The following ABRACL variants were observed in gnomAD, a reference collection of about 807,000 sequenced individuals.
ABRACL encodes costars family protein ABRACL.
A neutral mutation model predicts 7.0 loss-of-function variants in ABRACL; 4 were observed. That is an observed-to-expected ratio of 0.57 (90% CI 0.28 to 1.30). The LOEUF is 1.30. ABRACL is among the 50% of genes most tolerant of loss of function. The pLI is 0.10. For missense variants in ABRACL, 104 were observed against 97.3 expected (o/e 1.07, Z -0.29); for synonymous variants, 30 against 36.0 (o/e 0.83, Z 0.60).
chr6:139,033,758 T>C (rs1163515221), intron 1 of ABRACL, among the ~76,000 whole-genome samples: 2 of 152,190 alleles, frequency 1.3e-5, no homozygotes, highest in African/African-American at 2.4e-5. Flanking sequence ...GGCCCTCATC[T>C]GCCTTTAGAA....
rs1164159750 is a variant in ABRACL at position 139,042,725 on chromosome 6, A to T, written c.68A>T (p.Asp23Val). The stretch of plus-strand genomic sequence containing the variant: ...ATGTATTTTCTCAAACTAGATGCTG[A>T]TGGAAAGTTAAGCGTGAAATTTGGG... Reference protein sequence around the residue: ...EIHRLGSKNADGKLSVKFGVL... With the variant: ...EIHRLGSKNAVGKLSVKFGVL... Residue 23 changes from aspartate (D) to valine (V), a missense_variant, in exon 3 of 3, where the codon GAT becomes GTT. By Grantham distance (152) the Asp-to-Val change is radical. Transcript: ENST00000367660. The T allele has an allele frequency of 6.2e-7, 1 of 1,610,554 alleles. No homozygotes were observed. The highest frequency in any genetic ancestry group is 2.2e-5 in the East Asian group (1 of 44,764).
At chr6:139,035,778 C>T (rs917680436) in intron 2 of ABRACL, among the ~76,000 whole-genome samples, 34 of 150,424 alleles carry the variant, frequency 2.3e-4, no homozygotes, top group African/African-American at 7.8e-4. Context: ...CCACCACACC[C>T]GGCCTAGTTT....
At chr6:139,034,402 G>C in intron 2 of ABRACL, 181 bp downstream of exon 2, 2 of 1,543,184 alleles carry the variant, frequency 1.3e-6, no homozygotes, top group Non-Finnish European at 1.8e-6. Flanking sequence ...GAGACACGGG[G>C]CTTTTGGGGT....
chr6:139,029,110 G>C (rs79269256), intron 1 of ABRACL, among the ~76,000 whole-genome samples: 1 of 152,150 alleles, frequency 6.6e-6, no homozygotes, highest in Non-Finnish European at 1.5e-5. Context: ...CTCGGCTCAC[G>C]TGACGTTTCG....
At chr6:139,039,453 T>A (rs191648365) in intron 2 of ABRACL, among the ~76,000 whole-genome samples, 1 of 152,274 alleles carries the variant, frequency 6.6e-6, no homozygotes, top group East Asian at 1.9e-4. Context: ...ATACTATAAA[T>A]GATGGTGAGT....
chr6:139,033,913 C>T (rs1786117587), intron 1 of ABRACL, among the ~76,000 whole-genome samples: 1 of 151,920 alleles, frequency 6.6e-6, no homozygotes, highest in African/African-American at 2.4e-5. Context: ...AGGAGAATGG[C>T]TGTATTCTCC....
Position 139,034,193 on chromosome 6 carries a change from G to A in ABRACL, c.33G>A (p.Val11=). The A allele has an allele frequency of 6.2e-7, 1 of 1,614,212 alleles. No homozygotes were observed. The highest frequency in any genetic ancestry group is 8.5e-7 in the Non-Finnish European group (1 of 1,180,036). MNVDHEVNLL[V]EEIHRLGSKN... ...TGGATCACGAGGTTAACCTCTTAGT[G>A]GAGGAAATTCATCGTTTGGGTTCAA... The change falls in exon 2 of 3, where the codon GTG becomes GTA. Residue 11 remains valine, a synonymous_variant. Transcript: ENST00000367660.
Position 139,042,917 on chromosome 6 carries a change from T to C in ABRACL, c.*14T>C. On this transcript the variant is annotated 3_prime_UTR_variant, in exon 3 of 3. Transcript: ENST00000367660. ...CTGCAAGATTAATGTGGTTTACATA[T>C]CTTTATGTACTGCCATTTTTTGTTT... 3.8e-6 allele frequency: 6 copies of C among 1,579,248 alleles called. No homozygotes were observed. The highest frequency in any genetic ancestry group is 1.2e-5 in the South Asian group (1 of 85,502).
intron 2 of ABRACL, among the ~76,000 whole-genome samples, chr6:139,040,200 G>A (rs540316177): frequency 4.6e-5 from 7 of 152,316 alleles, no homozygotes; most frequent in East Asian, 1.9e-4. Flanking sequence ...TGTGGAGGAT[G>A]TATTGAGGGG....
chr6:139,035,528 G>A (rs1357555078), intron 2 of ABRACL, among the ~76,000 whole-genome samples: 1 of 151,846 alleles, frequency 6.6e-6, no homozygotes, highest in African/African-American at 2.4e-5. Flanking sequence ...TGTCACTCAG[G>A]CTAGAGTGCA....
chr6:139,032,026 T>G (rs1222157041), intron 1 of ABRACL, among the ~76,000 whole-genome samples: 3 of 151,878 alleles, frequency 2.0e-5, no homozygotes, highest in African/African-American at 7.3e-5. Context: ...AGTGGCGTGA[T>G]CTCGGCTCAC....
At chr6:139,029,119 C>T (rs1190880486) in intron 1 of ABRACL, among the ~76,000 whole-genome samples, 6 of 152,262 alleles carry the variant, frequency 3.9e-5, no homozygotes, top group African/African-American at 9.6e-5. Context: ...CGTGACGTTT[C>T]GCCGGCCGGG....
intron 1 of ABRACL, among the ~76,000 whole-genome samples, chr6:139,032,462 T>G (rs1333612287): frequency 6.6e-6 from 1 of 152,264 alleles, no homozygotes; most frequent in Non-Finnish European, 1.5e-5. Flanking sequence ...TTGCGTTTTA[T>G]TGCAATCTAA....
At chr6:139,034,568 C>A in intron 2 of ABRACL, 1 of 696,248 alleles carries the variant, frequency 1.4e-6, no homozygotes, top group Non-Finnish European at 2.2e-6. Context: ...TGTTTTCTGC[C>A]TTGTTCTGCC....
At position 139,034,144 on chromosome 6, in the gene ABRACL, T is replaced by C. The variant is rs1321016251; in HGVS notation, c.-6-11T>C. ...TGGTGATAATTTAGACTTCCTTTTT[T>C]TCTCTCCCAGGCAGCAATGAATGTG... On this transcript the variant is annotated splice_polypyrimidine_tract_variant and intron_variant, in intron 1 of 2. Coordinates refer to ENST00000367660, the MANE Select transcript of ABRACL (RefSeq NM_021243.3). 11 of 1,614,186 alleles carry C rather than the reference T, an allele frequency of 6.8e-6. No individual in the cohort carries two copies. Among genetic ancestry groups the C allele is most frequent in the South Asian group, 2.2e-5 (2 of 91,074 alleles).
chr6:139,041,659 C>T lies in ABRACL; in HGVS notation c.62-1060C>T, dbSNP rs188000456. On this transcript the variant is annotated intron_variant, in intron 2 of 2. Transcript: ENST00000367660. The stretch of plus-strand genomic sequence containing the variant: ...TACAGGCATGAGCCGTTGCACTCGG[C>T]CGGGATGTATTTTCTTTGCTTCTCA... Among the ~76,000 whole-genome samples the T allele has an allele frequency of 4.6e-5, 7 of 151,686 alleles. No individual in the cohort carries two copies. The East Asian group carries it at 1.2e-3, about 25-fold the overall frequency.
chr6:139,036,009 C>T (rs1786150862), intron 2 of ABRACL, among the ~76,000 whole-genome samples: 2 of 151,892 alleles, frequency 1.3e-5, no homozygotes, highest in African/African-American at 4.8e-5. Flanking sequence ...GAGGCTGAGG[C>T]AGGAGAATCG....
intron 1 of ABRACL, among the ~76,000 whole-genome samples, chr6:139,032,145 T>C (rs1786091784): frequency 6.6e-6 from 1 of 152,102 alleles, no homozygotes; most frequent in South Asian, 2.1e-4. Flanking sequence ...TTTGTATTTT[T>C]AGTAGAGACG....
intron 2 of ABRACL, among the ~76,000 whole-genome samples, chr6:139,037,778 T>A (rs1786185490): frequency 2.3e-5 from 1 of 43,982 alleles, no homozygotes; most frequent in Non-Finnish European, 4.2e-5. Context: ...TCTTTTTCTC[T>A]TTTTTTTTTT....
Sources: allele counts gnomAD v4.1 joint callset (sites outside exome capture counted in the v4.1 genomes callset), GRCh38; gene constraint gnomAD v4.1.1; transcripts MANE v1.5; gene names NCBI Gene and HGNC (gene_info 2026-07-23, HGNC 2026-07-21).